The following SORCS3 variants were observed in gnomAD, a reference collection of about 807,000 sequenced individuals.
SORCS3 encodes sortilin related VPS10 domain containing receptor 3.
A neutral mutation model predicts 146.3 loss-of-function variants in SORCS3; 57 were observed. That is an observed-to-expected ratio of 0.39 (90% CI 0.31 to 0.49). The LOEUF (loss-of-function observed/expected upper bound fraction) is 0.49, where lower values mean the gene tolerates loss of function less well. Among genes scored for constraint, SORCS3 ranks in the 20% least tolerant of loss-of-function variants. The pLI, the probability that SORCS3 is intolerant of heterozygous loss-of-function variation, is 0.92. For synonymous variants in SORCS3, 653 were observed against 618.5 expected, an observed-to-expected ratio of 1.06 and a Z score of -0.83; for missense variants, 1,341 against 1,575.5, an observed-to-expected ratio of 0.85 and a Z score of 2.52.
rs148147197 is a variant in SORCS3, at chr10:104,836,819, C to G, written c.628-5973C>G. ...CAGCCCATACTGCTCCATCTCCATGCTGCTTTTCTCATAACTAGAATGCTG... is the reference window on the plus strand; with the variant it reads ...CAGCCCATACTGCTCCATCTCCATGGTGCTTTTCTCATAACTAGAATGCTG... On this transcript the variant is annotated intron_variant, in intron 1 of 26. Coordinates refer to ENST00000369701, the MANE Select transcript of SORCS3 (RefSeq NM_014978.3). 5.3e-4 allele frequency among the ~76,000 whole-genome samples: 81 copies of G among 152,158 alleles called. No individual in the cohort carries two copies. The East Asian group carries it at 0.013, about 25-fold the overall frequency.
At chr10:105,213,468 G>A (rs1329014413) in intron 17 of SORCS3, among the ~76,000 whole-genome samples, 1 of 152,224 alleles carries the variant, frequency 6.6e-6, no homozygotes, top group Non-Finnish European at 1.5e-5. Context: ...GATGATGATG[G>A]TGATAATAAT....
intron 4 of SORCS3, among the ~76,000 whole-genome samples, chr10:105,005,601 C>T (rs2055090427): frequency 6.6e-6 from 1 of 151,960 alleles, no homozygotes; most frequent in Non-Finnish European, 1.5e-5. Context: ...TCCTTTAGAT[C>T]TTCTCCTTCA....
chr10:104,980,744 T>C (rs1589577498), intron 4 of SORCS3, among the ~76,000 whole-genome samples: 1 of 152,172 alleles, frequency 6.6e-6, no homozygotes, highest in African/African-American at 2.4e-5. Context: ...AAAGACCTAA[T>C]TGAATGATAT....
chr10:105,215,717 A>C (rs1438966916), intron 18 of SORCS3, among the ~76,000 whole-genome samples: 1 of 152,100 alleles, frequency 6.6e-6, no homozygotes, highest in Non-Finnish European at 1.5e-5. Flanking sequence ...GATAGTTGAC[A>C]TTGTGTGGGG....
chr10:104,891,033 C>A (rs2018744178), intron 2 of SORCS3, among the ~76,000 whole-genome samples: 4 of 152,086 alleles, frequency 2.6e-5, no homozygotes, highest in Non-Finnish European at 5.9e-5. Flanking sequence ...TTTAAAATTC[C>A]TGTAAATTTT....
chr10:105,090,770 G>T (rs912640591), intron 6 of SORCS3, among the ~76,000 whole-genome samples: 2 of 152,064 alleles, frequency 1.3e-5, no homozygotes, highest in African/African-American at 4.8e-5. Context: ...CTTGCCCGGA[G>T]CACCTCCCAG....
At chr10:105,181,786 A>T (rs2056444230) in intron 14 of SORCS3, among the ~76,000 whole-genome samples, 1 of 152,152 alleles carries the variant, frequency 6.6e-6, no homozygotes. Flanking sequence ...TGGAGGGCCT[A>T]TTGCAGTCTC....
At chr10:105,126,409 A>G (rs980584180) in intron 7 of SORCS3, among the ~76,000 whole-genome samples, 1 of 152,110 alleles carries the variant, frequency 6.6e-6, no homozygotes. Flanking sequence ...TTTGTTATGT[A>G]GAACAATTCA....
intron 7 of SORCS3, among the ~76,000 whole-genome samples, chr10:105,114,567 A>G (rs2055880999): frequency 6.6e-6 from 1 of 152,144 alleles, no homozygotes; most frequent in Non-Finnish European, 1.5e-5. Context: ...TAGGAACCCT[A>G]AAGATACAGT....
intron 2 of SORCS3, among the ~76,000 whole-genome samples, chr10:104,880,326 T>C (rs887090670): frequency 1.3e-5 from 2 of 152,206 alleles, no homozygotes; most frequent in African/African-American, 4.8e-5. Context: ...TTCCCTTCCC[T>C]CCTCAGTCTT....
intron 1 of SORCS3, among the ~76,000 whole-genome samples, chr10:104,752,411 C>A (rs1044190628): frequency 7.9e-5 from 12 of 152,080 alleles, no homozygotes; most frequent in African/African-American, 2.9e-4. Flanking sequence ...ATTGCAAAGC[C>A]AAGTAAGGTG....
At chr10:104,925,402 A>T (rs761198824) in intron 3 of SORCS3, among the ~76,000 whole-genome samples, 1 of 152,228 alleles carries the variant, frequency 6.6e-6, no homozygotes, top group Admixed American at 6.5e-5. Flanking sequence ...CAAACATGAT[A>T]TAAGGAATAT....
chr10:105,095,096 G>A (rs368648560), intron 6 of SORCS3, among the ~76,000 whole-genome samples: 9 of 151,986 alleles, frequency 5.9e-5, no homozygotes, highest in Admixed American at 2.6e-4. Flanking sequence ...TTCACCTTCC[G>A]TTCTACCTGC....
intron 20 of SORCS3, among the ~76,000 whole-genome samples, chr10:105,242,647 T>TATAC (rs2056838258): frequency 4.2e-5 from 4 of 94,632 alleles, no homozygotes; most frequent in South Asian, 3.7e-4. Context: ...TTTATATATA[T>TATAC]ATTTATATAC....
chr10:104,666,994 G>GGA (rs138623796), intron 1 of SORCS3, among the ~76,000 whole-genome samples: 75 of 150,686 alleles, frequency 5.0e-4, no homozygotes, highest in Middle Eastern at 3.4e-3. Flanking sequence ...CTTAGTGTTG[G>GGA]GAGAGAGAGA....
At chr10:104,914,569 G>C (rs985352294) in intron 2 of SORCS3, among the ~76,000 whole-genome samples, 1 of 152,156 alleles carries the variant, frequency 6.6e-6, no homozygotes, top group African/African-American at 2.4e-5. Context: ...AAGCCATCGG[G>C]CTGATGTGAT....
intron 11 of SORCS3, among the ~76,000 whole-genome samples, chr10:105,163,456 G>C (rs149392200): frequency 1.3e-5 from 2 of 152,230 alleles, no homozygotes; most frequent in East Asian, 1.9e-4. Context: ...CCAATCATTT[G>C]TTTTCCCATT....
chr10:105,079,131 C>T (rs2055607267), intron 5 of SORCS3, among the ~76,000 whole-genome samples: 1 of 152,162 alleles, frequency 6.6e-6, no homozygotes, highest in South Asian at 2.1e-4. Flanking sequence ...CCACCCAGAC[C>T]TCCAGAATCA....
chr10:104,691,377 G>A lies in SORCS3; in HGVS notation c.627+49423G>A, dbSNP rs1247751775. Among the ~76,000 whole-genome samples, 4 of 152,224 alleles carry A rather than the reference G, an allele frequency of 2.6e-5. No individual in the cohort carries two copies. In the East Asian group the frequency reaches 7.7e-4, roughly 29 times the overall value. On this transcript the variant is annotated intron_variant, in intron 1 of 26. Transcript: ENST00000369701. ...AAACTAAAAAACAAAATTATTAAAAGAGACAGACATAGAGAAGTCTTTGCT... is the reference window on the plus strand; with the variant it reads ...AAACTAAAAAACAAAATTATTAAAAAAGACAGACATAGAGAAGTCTTTGCT...
Sources: allele counts gnomAD v4.1 joint callset (sites outside exome capture counted in the v4.1 genomes callset), GRCh38; gene constraint gnomAD v4.1.1; transcripts MANE v1.5; gene names NCBI Gene and HGNC (gene_info 2026-07-23, HGNC 2026-07-21).